Variants in FGD3 observed in about 807,000 individuals in gnomAD.
FGD3 encodes the protein FYVE, RhoGEF and PH domain-containing protein 3.
FGD3 carries 45 observed loss-of-function variants against 71.8 expected under a neutral mutation model. That is an observed-to-expected ratio of 0.63 (90% CI 0.49 to 0.80). FGD3 has a LOEUF of 0.80. Among genes scored for constraint, FGD3 ranks in the 30% least tolerant of loss-of-function variants. The probability of loss-of-function intolerance (pLI) is 0.00; values close to 1 mark genes in which losing one functional copy is unlikely to be tolerated. For missense variants in FGD3, 844 were observed against 951.5 expected, an observed-to-expected ratio of 0.89 and a Z score of 1.49; for synonymous variants, 378 against 392.8, an observed-to-expected ratio of 0.96 and a Z score of 0.44.
chr9:92,984,168 G>A (rs972826936), intron 3 of FGD3, among the ~76,000 whole-genome samples: 6 of 152,196 alleles, frequency 3.9e-5, no homozygotes, highest in African/African-American at 1.4e-4. Context: ...GTACAGTTAA[G>A]AGTCATGATC....
At chr9:92,963,735 G>T (rs550517936) in intron 1 of FGD3, among the ~76,000 whole-genome samples, 1 of 152,384 alleles carries the variant, frequency 6.6e-6, no homozygotes, top group East Asian at 1.9e-4. Context: ...CAATGAGGGT[G>T]CCCTCCTGGT....
At position 92,976,189 on chromosome 9, in the gene FGD3, G is replaced by A; in HGVS notation, c.-49-19G>A. ...CCATGCCTGGCTAGCACTGACTCTG[G>A]CTTGTTTCTCCCCTACAGGAAGCCC... On this transcript the variant is annotated intron_variant, in intron 2 of 17. Coordinates refer to ENST00000375482, the MANE Select transcript of FGD3 (RefSeq NM_001083536.2). 7.1e-7 allele frequency: 1 copy of A among 1,399,880 alleles called. No individual in the cohort carries two copies. The highest frequency in any genetic ancestry group is 9.5e-7 in the Non-Finnish European group (1 of 1,050,658). The allele number at this position is 1,399,880 out of a possible 1,614,324, so 86.7% of individuals were successfully genotyped here. A position where few individuals can be genotyped will look rare whatever the true frequency, so the allele number is the denominator to read the frequency against.
At chr9:93,002,653 G>A (rs1860899097) in intron 3 of FGD3, among the ~76,000 whole-genome samples, 3 of 152,166 alleles carry the variant, frequency 2.0e-5, no homozygotes, top group African/African-American at 7.2e-5. Context: ...AGCAGAAGGA[G>A]GGCCGAGAGC....
chr9:93,002,943 C>T lies in FGD3; in HGVS notation c.472C>T (p.Leu158Phe). 6.2e-7 allele frequency: 1 copy of T among 1,614,096 alleles called. No individual in the cohort carries two copies. Among genetic ancestry groups the T allele is most frequent in the East Asian group, 2.2e-5 (1 of 44,880 alleles). Residue 158 changes from leucine (L) to phenylalanine (F), a missense_variant, in exon 4 of 18, where the codon CTT becomes TTT. Leu to Phe is a conservative substitution (Grantham distance 22, BLOSUM62 0). Coordinates refer to ENST00000375482, the MANE Select transcript of FGD3 (RefSeq NM_001083536.2). Reference protein sequence around the residue: ...GLAQHSGPQKLLHIAQELLHT... With the variant: ...GLAQHSGPQKFLHIAQELLHT... ...TCCGCAGCACTCTGGCCCCCAGAAG[C>T]TTCTCCACATTGCCCAGGAGCTCCT...
Position 92,992,144 on chromosome 9 carries a change from A to G in FGD3, c.454-10781A>G, listed in dbSNP as rs544708107. Among the ~76,000 whole-genome samples, 4 of 152,292 alleles carry G rather than the reference A, an allele frequency of 2.6e-5. No individual in the cohort carries two copies. The South Asian group carries it at 8.3e-4, about 32-fold the overall frequency. On this transcript the variant is annotated intron_variant, in intron 3 of 17. Transcript: ENST00000375482. ...AAACAGGGGAATTTAATCTATTTAC[A>G]TTCAAGATTATTATTGATTGGTGAG...
chr9:93,007,761 A>C (rs914101268), intron 6 of FGD3, among the ~76,000 whole-genome samples: 2 of 152,240 alleles, frequency 1.3e-5, no homozygotes, highest in Non-Finnish European at 2.9e-5. Flanking sequence ...GCCTGGACTC[A>C]GTACCATCCA....
At chr9:93,031,228 A>G (rs748805173) in intron 15 of FGD3, among the ~76,000 whole-genome samples, 4 of 152,130 alleles carry the variant, frequency 2.6e-5, no homozygotes, top group Non-Finnish European at 5.9e-5. Flanking sequence ...GAATTGGGGG[A>G]TTTAACTCAA....
intron 14 of FGD3, among the ~76,000 whole-genome samples, chr9:93,022,679 G>A (rs1861969142): frequency 6.6e-6 from 1 of 152,110 alleles, no homozygotes; most frequent in Admixed American, 6.5e-5. Flanking sequence ...GGTTGGAGGT[G>A]GTCACACAGC....
chr9:92,999,491 C>G (rs1029917105), intron 3 of FGD3, among the ~76,000 whole-genome samples: 10 of 152,128 alleles, frequency 6.6e-5, no homozygotes, highest in Admixed American at 5.9e-4. Context: ...TGAGATCAAC[C>G]TGGTACCTCA....
chr9:93,011,275 G>A lies in FGD3; in HGVS notation c.1035+3G>A. ...CCAATGCTGCCATTCGGAAAGTGGTGAGTGTGGGGCTCCAGTGGCGACCGG... is the reference window on the plus strand; with the variant it reads ...CCAATGCTGCCATTCGGAAAGTGGTAAGTGTGGGGCTCCAGTGGCGACCGG... On this transcript the variant is annotated splice_donor_region_variant and intron_variant, in intron 8 of 17. Coordinates refer to ENST00000375482, the MANE Select transcript of FGD3 (RefSeq NM_001083536.2). The A allele has an allele frequency of 3.1e-6, 5 of 1,614,190 alleles. No homozygotes were observed. The highest frequency in any genetic ancestry group is 4.2e-6 in the Non-Finnish European group (5 of 1,180,016).
intron 15 of FGD3, among the ~76,000 whole-genome samples, chr9:93,031,568 A>C (rs1587874919): frequency 6.6e-6 from 1 of 152,194 alleles, no homozygotes; most frequent in Non-Finnish European, 1.5e-5. Context: ...TTCCAAAAAT[A>C]AAATGCTCAT....
chr9:93,006,959 C>G (rs932662177), intron 6 of FGD3, among the ~76,000 whole-genome samples: 13 of 152,036 alleles, frequency 8.6e-5, no homozygotes, highest in African/African-American at 2.9e-4. Flanking sequence ...GATCTCCTGA[C>G]CTCATGATCC....
rs765629514 is a variant in FGD3 at position 93,010,243 on chromosome 9, C to T, written c.838-3C>T. 8 of 1,604,644 alleles carry T rather than the reference C, an allele frequency of 5.0e-6. No homozygotes were observed. The African/African-American group carries it at 1.1e-4, about 21-fold the overall frequency. The stretch of plus-strand genomic sequence containing the variant: ...GTGCCCAATGCTCCCTCTGTCCCCA[C>T]AGAAGCAGGAGGTATGCGGGAACCT... On this transcript the variant is annotated splice_polypyrimidine_tract_variant and splice_region_variant and intron_variant, in intron 6 of 17. Transcript: ENST00000375482.
chr9:92,987,063 G>A (rs1860213403), intron 3 of FGD3, among the ~76,000 whole-genome samples: 1 of 152,186 alleles, frequency 6.6e-6, no homozygotes, highest in Non-Finnish European at 1.5e-5. Context: ...GAGTGCACAA[G>A]CCATTTCAGA....
chr9:93,018,324 G>C (rs1008209109), intron 11 of FGD3, 109 bp downstream of exon 11: 4 of 1,031,924 alleles, frequency 3.9e-6, no homozygotes, highest in Non-Finnish European at 5.7e-6. Flanking sequence ...AAATTTAAAA[G>C]TACTGTTACT....
intron 1 of FGD3, among the ~76,000 whole-genome samples, chr9:92,957,031 C>T (rs1267282314): frequency 6.6e-6 from 1 of 152,096 alleles, no homozygotes; most frequent in Non-Finnish European, 1.5e-5. Context: ...GTGGCTTACT[C>T]CTTTTTATTG....
chr9:92,948,465 C>T (rs1587804999), intron 1 of FGD3, among the ~76,000 whole-genome samples: 1 of 152,304 alleles, frequency 6.6e-6, no homozygotes, highest in African/African-American at 2.4e-5. Context: ...CATGTTGTCC[C>T]GGCTCTTTGA....
intron 7 of FGD3, 132 bp downstream of exon 7, chr9:93,010,516 A>AAAG: frequency 1.1e-6 from 1 of 939,702 alleles, no homozygotes; most frequent in Non-Finnish European, 1.4e-6. Context: ...GACCAGAGGG[A>AAAG]AAGAGACAGA....
chr9:93,008,738 C>T (rs1263910422), intron 6 of FGD3, among the ~76,000 whole-genome samples: 2 of 152,124 alleles, frequency 1.3e-5, no homozygotes, highest in African/African-American at 2.4e-5. Flanking sequence ...CCCAGGTGGG[C>T]GGATCACCTG....
Sources: gnomAD v4.1 joint callset for allele counts (sites outside exome capture counted in the v4.1 genomes callset) on GRCh38, gnomAD v4.1.1 for gene constraint, MANE v1.5 for transcripts, NCBI Gene and HGNC (gene_info 2026-07-23, HGNC 2026-07-21) for gene names.